TCEA1: variants seen among roughly 807,000 people sequenced by gnomAD.
The protein encoded by TCEA1 is transcription elongation factor A protein 1.
In TCEA1, 21 loss-of-function variants were observed where a neutral mutation model predicts 43.8. That is an observed-to-expected ratio of 0.48 (90% CI 0.34 to 0.69). TCEA1 has a LOEUF of 0.69. Among genes scored for constraint, TCEA1 ranks in the 30% least tolerant of loss-of-function variants. The pLI, the probability that TCEA1 is intolerant of heterozygous loss-of-function variation, is 0.01. For synonymous variants in TCEA1, 104 were observed against 117.5 expected, an observed-to-expected ratio of 0.88 and a Z score of 0.75; for missense variants, 250 against 365.1, an observed-to-expected ratio of 0.68 and a Z score of 2.57.
At chr8:53,973,772 T>C in intron 8 of TCEA1, 1 of 477,768 alleles carries the variant, frequency 2.1e-6, no homozygotes, top group African/African-American at 2.0e-5. Flanking sequence ...ACTTGTTCAA[T>C]GTGCATCCCT....
At chr8:54,009,346 G>A (rs953898418) in intron 2 of TCEA1, among the ~76,000 whole-genome samples, 2 of 152,136 alleles carry the variant, frequency 1.3e-5, no homozygotes, top group African/African-American at 4.8e-5. Flanking sequence ...AAGGAAATCA[G>A]TTTAACAAAG....
chr8:53,991,685 ACT>A (rs891907948), intron 4 of TCEA1, among the ~76,000 whole-genome samples: 7 of 151,664 alleles, frequency 4.6e-5, no homozygotes, highest in Admixed American at 6.6e-5. Flanking sequence ...CAAGAGTGAA[ACT>A]CTGTCTCAAA....
intron 8 of TCEA1, among the ~76,000 whole-genome samples, chr8:53,974,965 AG>A (rs908992043): frequency 2.6e-5 from 4 of 152,150 alleles, no homozygotes; most frequent in Non-Finnish European, 5.9e-5. Flanking sequence ...AGCAGGAGGC[AG>A]ATTTAAATAG....
intron 1 of TCEA1, among the ~76,000 whole-genome samples, chr8:54,015,759 C>G (rs1459787673): frequency 1.3e-5 from 2 of 152,126 alleles, no homozygotes; most frequent in Non-Finnish European, 2.9e-5. Context: ...ACTCTTACAA[C>G]TCAATAATAA....
chr8:53,999,702 C>G (rs1330434765), intron 3 of TCEA1: 1 of 397,930 alleles, frequency 2.5e-6, no homozygotes, highest in East Asian at 3.6e-5. Flanking sequence ...GAAAATTCTT[C>G]TTACTGAAAG....
At chr8:53,998,807 G>C (rs1804151769) in intron 3 of TCEA1, among the ~76,000 whole-genome samples, 1 of 152,180 alleles carries the variant, frequency 6.6e-6, no homozygotes, top group Non-Finnish European at 1.5e-5. Flanking sequence ...AAACAGGTTG[G>C]TCTTCAAATG....
intron 8 of TCEA1, chr8:53,972,828 G>C: frequency 1.4e-6 from 1 of 722,604 alleles, no homozygotes; most frequent in Non-Finnish European, 2.6e-6. Context: ...TGGTGGCCTG[G>C]AATTTGAAAG....
intron 3 of TCEA1, 74 bp downstream of exon 3, chr8:53,999,871 C>A: frequency 9.6e-7 from 1 of 1,039,106 alleles, no homozygotes; most frequent in Non-Finnish European, 1.5e-6. Context: ...CATTAACTAA[C>A]CATAAAATGT....
chr8:53,997,084 T>C (rs1169902502), intron 3 of TCEA1, among the ~76,000 whole-genome samples: 1 of 151,820 alleles, frequency 6.6e-6, no homozygotes, highest in Non-Finnish European at 1.5e-5. Context: ...TTTTTTGTAT[T>C]TTTTTAGTAG....
At chr8:54,018,968 C>T (rs1384212488) in intron 1 of TCEA1, among the ~76,000 whole-genome samples, 2 of 152,216 alleles carry the variant, frequency 1.3e-5, no homozygotes, top group Non-Finnish European at 2.9e-5. Flanking sequence ...CTTGGCCATT[C>T]ACTAGCTATT....
intron 2 of TCEA1, among the ~76,000 whole-genome samples, chr8:54,002,189 A>G (rs898198509): frequency 1.6e-4 from 25 of 151,624 alleles, no homozygotes; most frequent in African/African-American, 5.6e-4. Flanking sequence ...AGAAAAAAAA[A>G]GGGCGGGTAT....
At chr8:53,998,469 AG>A (rs1474965962) in intron 3 of TCEA1, among the ~76,000 whole-genome samples, 1 of 152,154 alleles carries the variant, frequency 6.6e-6, no homozygotes, top group Non-Finnish European at 1.5e-5. Flanking sequence ...GCCCTACTTG[AG>A]GCAGGGGACC....
At chr8:54,005,956 T>A (rs1266512247) in intron 2 of TCEA1, among the ~76,000 whole-genome samples, 1 of 152,132 alleles carries the variant, frequency 6.6e-6, no homozygotes, top group Admixed American at 6.6e-5. Context: ...TGCAACTAGC[T>A]CTCCTTTATT....
Position 53,978,874 on chromosome 8 carries a change from T to G in TCEA1, c.825+151A>C, listed in dbSNP as rs571479259. 6 of 852,016 alleles carry G rather than the reference T, an allele frequency of 7.0e-6. No individual in the cohort carries two copies. The African/African-American group carries it at 8.5e-5, about 12-fold the overall frequency. 52.8% of individuals were successfully genotyped at this position (852,016 alleles called of 1,614,324 possible). On this transcript the variant is annotated intron_variant, in intron 8 of 9. Coordinates refer to ENST00000521604, the MANE Select transcript of TCEA1 (RefSeq NM_006756.4). The stretch of plus-strand genomic sequence containing the variant: ...TATACATAGGGTTAGGTACTATCCG[T>G]GGTTTCAGGCATCCACTCAGGGTCT...
At chr8:54,011,629 C>T (rs534663861) in intron 1 of TCEA1, among the ~76,000 whole-genome samples, 5 of 152,282 alleles carry the variant, frequency 3.3e-5, no homozygotes, top group East Asian at 3.9e-4. Flanking sequence ...ATGAAATACA[C>T]GCTATCCCCC....
intron 2 of TCEA1, among the ~76,000 whole-genome samples, chr8:54,002,168 T>G (rs2038217606): frequency 6.9e-6 from 1 of 145,666 alleles, no homozygotes; most frequent in Non-Finnish European, 1.5e-5. Flanking sequence ...AGAGCAAGAC[T>G]GTCTCCAAAA....
intron 2 of TCEA1, chr8:54,010,219 C>T (rs144714499): frequency 2.3e-6 from 1 of 431,068 alleles, no homozygotes; most frequent in East Asian, 4.9e-5. Context: ...TTTAGAGATT[C>T]AGGTTTTATT....
intron 9 of TCEA1, among the ~76,000 whole-genome samples, 160 bp from the exon 10 acceptor site, chr8:53,968,272 G>C (rs1326841101): frequency 6.6e-6 from 1 of 151,806 alleles, no homozygotes; most frequent in African/African-American, 2.4e-5. Flanking sequence ...TTAAGTGCCT[G>C]ACTTTCCCAA....
At chr8:53,970,502 T>C (rs780535638) in intron 8 of TCEA1, 39 bp from the exon 9 acceptor site, 34 of 1,318,858 alleles carry the variant, frequency 2.6e-5, no homozygotes, top group Non-Finnish European at 3.4e-5. Flanking sequence ...TTTGCAGTAC[T>C]ATTAAAAAAC....
Sources: gnomAD v4.1 joint callset for allele counts (sites outside exome capture counted in the v4.1 genomes callset) on GRCh38, gnomAD v4.1.1 for gene constraint, MANE v1.5 for transcripts, NCBI Gene and HGNC (gene_info 2026-07-23, HGNC 2026-07-21) for gene names.